BBX: variants seen among roughly 807,000 people sequenced by gnomAD.
BBX encodes the protein HMG box transcription factor BBX.
In BBX, 30 loss-of-function variants were observed where a neutral mutation model predicts 100.2. The observed-to-expected ratio is 0.30, with a 90% confidence interval of 0.22 to 0.41. The LOEUF (loss-of-function observed/expected upper bound fraction) is 0.41, where lower values mean the gene tolerates loss of function less well. BBX is among the 10% of genes least tolerant of loss of function. The probability of loss-of-function intolerance (pLI) is 1.00; values close to 1 mark genes in which losing one functional copy is unlikely to be tolerated. For synonymous variants in BBX, 376 were observed against 388.1 expected, an observed-to-expected ratio of 0.97 and a Z score of 0.37; for missense variants, 1,023 against 1,129.8, an observed-to-expected ratio of 0.91 and a Z score of 1.35.
At chr3:107,699,747 G>C (rs2108175665) in intron 3 of BBX, among the ~76,000 whole-genome samples, 1 of 152,036 alleles carries the variant, frequency 6.6e-6, no homozygotes, top group Non-Finnish European at 1.5e-5. Context: ...GGGATGTCTA[G>C]TTTCTATTCA....
intron 2 of BBX, among the ~76,000 whole-genome samples, chr3:107,643,657 A>G (rs1454817643): frequency 6.6e-6 from 1 of 151,972 alleles, no homozygotes; most frequent in Admixed American, 6.6e-5. Flanking sequence ...TTGTGCTCAT[A>G]CTTAGGGCAT....
At chr3:107,614,951 C>T (rs2107667605) in intron 2 of BBX, among the ~76,000 whole-genome samples, 1 of 152,176 alleles carries the variant, frequency 6.6e-6, no homozygotes, top group Admixed American at 6.5e-5. Flanking sequence ...TGGGTGGAAA[C>T]CGGACTTTGT....
chr3:107,718,082 AT>A (rs1023613448), intron 5 of BBX, among the ~76,000 whole-genome samples: 33 of 151,686 alleles, frequency 2.2e-4, no homozygotes, highest in Middle Eastern at 3.4e-3. Flanking sequence ...ATTTAAAAAA[AT>A]ACCACGTAAA....
intron 3 of BBX, among the ~76,000 whole-genome samples, chr3:107,673,369 G>C (rs1000985825): frequency 6.6e-6 from 1 of 151,962 alleles, no homozygotes; most frequent in Non-Finnish European, 1.5e-5. Context: ...CTATTATGTT[G>C]ATAAAGGCTC....
chr3:107,697,681 C>T (rs2060726780), intron 3 of BBX, among the ~76,000 whole-genome samples: 1 of 151,854 alleles, frequency 6.6e-6, no homozygotes, highest in African/African-American at 2.4e-5. Context: ...AGAGGTGGAG[C>T]CTACAGAGGC....
At chr3:107,578,027 T>C (rs755837942) in intron 2 of BBX, among the ~76,000 whole-genome samples, 35 of 152,206 alleles carry the variant, frequency 2.3e-4, no homozygotes, top group Non-Finnish European at 4.4e-4. Context: ...ACATTGACCA[T>C]GTTTAAGTGG....
chr3:107,634,701 G>A (rs950744035), intron 2 of BBX, among the ~76,000 whole-genome samples: 3 of 152,122 alleles, frequency 2.0e-5, no homozygotes, highest in African/African-American at 7.2e-5. Context: ...AATAATTGAA[G>A]TTTGCTTTTA....
In BBX at chr3:107,737,250, A is replaced by G. The variant is rs544024222; in HGVS notation, c.669+4227A>G. Among the ~76,000 whole-genome samples the G allele has an allele frequency of 1.8e-4, 27 of 152,196 alleles. 2 individuals are homozygous for G. The East Asian group carries it at 4.8e-3, about 27-fold the overall frequency. On this transcript the variant is annotated intron_variant, in intron 7 of 17. Transcript: ENST00000325805. ...TCAACTTGCAAGTTTAAATTATATC[A>G]GACATTTCTCCCACAGGCTGATACG...
At chr3:107,547,646 C>T (rs1015670337) in intron 2 of BBX, among the ~76,000 whole-genome samples, 3 of 152,094 alleles carry the variant, frequency 2.0e-5, no homozygotes, top group Non-Finnish European at 4.4e-5. Flanking sequence ...ACCCGGCACT[C>T]TTCTGTGTAC....
intron 2 of BBX, among the ~76,000 whole-genome samples, chr3:107,559,622 A>T (rs1319654129): frequency 1.3e-5 from 2 of 152,196 alleles, no homozygotes; most frequent in South Asian, 2.1e-4. Context: ...AAACTCAGGG[A>T]TGGATATGTA....
chr3:107,587,089 T>C lies in BBX; in HGVS notation c.-83-58747T>C, dbSNP rs2052909724. On this transcript the variant is annotated intron_variant, in intron 2 of 17. Coordinates refer to ENST00000325805, the MANE Select transcript of BBX (RefSeq NM_001142568.3). ...CTTTTGAGAGTTTTGCCATCTTATT[T>C]TGCTTCATTTAAAAATATATTCTAC... Among the ~76,000 whole-genome samples the C allele has an allele frequency of 2.6e-5, 4 of 152,210 alleles. No homozygotes were observed. The South Asian group carries it at 8.3e-4, about 32-fold the overall frequency.
chr3:107,723,632 T>C (rs2062703138), intron 5 of BBX, among the ~76,000 whole-genome samples: 1 of 152,226 alleles, frequency 6.6e-6, no homozygotes, highest in South Asian at 2.1e-4. Context: ...CATTGTTCAA[T>C]TCTCACCTAT....
intron 17 of BBX, 120 bp downstream of exon 17, chr3:107,801,401 T>C: frequency 9.8e-7 from 1 of 1,019,860 alleles, no homozygotes; most frequent in Non-Finnish European, 1.4e-6. Context: ...GCACTATTGG[T>C]TATATGAGGT....
chr3:107,530,098 T>C (rs1359198961), intron 2 of BBX, among the ~76,000 whole-genome samples: 1 of 152,154 alleles, frequency 6.6e-6, no homozygotes, highest in Non-Finnish European at 1.5e-5. Flanking sequence ...TTGTATAAAA[T>C]GCAAAGTGAC....
chr3:107,744,584 A>C, intron 7 of BBX, 46 bp from the exon 8 acceptor site: 1 of 1,449,208 alleles, frequency 6.9e-7, no homozygotes. Context: ...TTTACCTAAC[A>C]CAGTAAATAG....
intron 3 of BBX, among the ~76,000 whole-genome samples, chr3:107,696,814 C>A (rs1226191118): frequency 2.6e-5 from 4 of 151,560 alleles, no homozygotes; most frequent in African/African-American, 7.3e-5. Flanking sequence ...GTTCCATTCT[C>A]CCCGTCACTT....
intron 3 of BBX, among the ~76,000 whole-genome samples, chr3:107,686,165 C>T (rs765920462): frequency 1.3e-5 from 2 of 152,046 alleles, no homozygotes; most frequent in African/African-American, 2.4e-5. Flanking sequence ...TAGGAAAATA[C>T]GTAAATATGT....
intron 3 of BBX, among the ~76,000 whole-genome samples, chr3:107,653,907 A>T (rs2057989170): frequency 6.6e-6 from 1 of 152,154 alleles, no homozygotes; most frequent in South Asian, 2.1e-4. Context: ...AGAAAAATTA[A>T]CACCTATCAA....
rs1460720430 is a variant in BBX at position 107,710,465 on chromosome 3, A to C, written c.5A>C (p.Lys2Thr). 1 of 1,611,924 alleles carries C rather than the reference A, an allele frequency of 6.2e-7. No individual in the cohort carries two copies. Among genetic ancestry groups the C allele is most frequent in the Non-Finnish European group, 8.5e-7 (1 of 1,178,754 alleles). Reference sequence around the variant, plus strand: ...TTCCTATTACAGGTCACAGTAATGAAAGGCAGTAATAGAAATAAGGATCAT... The same window carrying C: ...TTCCTATTACAGGTCACAGTAATGACAGGCAGTAATAGAAATAAGGATCAT... M[K>T]GSNRNKDHSA... The change falls in exon 4 of 18, where the codon AAA (lysine) becomes ACA (threonine). Residue 2 changes from lysine to threonine, a missense_variant. Physicochemically the swap from Lys to Thr is moderately conservative, Grantham distance 78 (BLOSUM62 -1). This residue lies in a region of BBX where 229 missense variants were observed against 226.3 expected (regional missense o/e 1.01). Coordinates refer to ENST00000325805, the MANE Select transcript of BBX (RefSeq NM_001142568.3).
Sources: allele counts gnomAD v4.1 joint callset (sites outside exome capture counted in the v4.1 genomes callset), GRCh38; gene constraint gnomAD v4.1.1; regional missense constraint gnomAD v4.1.1; transcripts MANE v1.5; gene names NCBI Gene and HGNC (gene_info 2026-07-23, HGNC 2026-07-21).